The following DST variants were observed in gnomAD, a reference collection of about 807,000 sequenced individuals.
The protein encoded by DST is dystonin, also known as bullous pemphigoid antigen.
Under a neutral mutation model 875.2 loss-of-function variants are expected in DST, and 253 were observed. The observed-to-expected ratio is 0.29, with a 90% CI of 0.26 to 0.32. The LOEUF (loss-of-function observed/expected upper bound fraction) is 0.32. DST is among the 10% of genes least tolerant of loss of function. DST has a pLI of 1.00. For synonymous variants in DST, 3,124 were observed against 3,197.1 expected (o/e 0.98, Z 0.77); for missense variants, 8,287 against 9,111.6 (o/e 0.91, Z 3.68).
chr6:56,825,387 G>A (rs2099779122), intron 4 of DST, among the ~76,000 whole-genome samples: 1 of 149,302 alleles, frequency 6.7e-6, no homozygotes, highest in South Asian at 2.1e-4. Flanking sequence ...CCTCTGCCTA[G>A]GAAAACCAGA....
At chr6:56,757,350 C>T (rs985999814) in intron 4 of DST, among the ~76,000 whole-genome samples, 2 of 152,120 alleles carry the variant, frequency 1.3e-5, no homozygotes, top group African/African-American at 2.4e-5. Flanking sequence ...TGAACACAAA[C>T]GTAAATCACA....
chr6:56,683,374 T>C (rs1286401354), intron 9 of DST, among the ~76,000 whole-genome samples: 2 of 152,202 alleles, frequency 1.3e-5, no homozygotes, highest in African/African-American at 4.8e-5. Context: ...GTACCAAATA[T>C]TATTGTACTC....
chr6:56,661,991 G>A (rs375805046), intron 10 of DST, among the ~76,000 whole-genome samples: 11 of 152,128 alleles, frequency 7.2e-5, no homozygotes, highest in South Asian at 2.1e-4. Context: ...CTAACAGCTT[G>A]CACATCAAAC....
chr6:56,860,658 T>C (rs1478358753), intron 3 of DST, among the ~76,000 whole-genome samples: 1 of 152,190 alleles, frequency 6.6e-6, no homozygotes, highest in Non-Finnish European at 1.5e-5. Context: ...GTAGGAAGCA[T>C]TAGTAAATTT....
intron 2 of DST, among the ~76,000 whole-genome samples, chr6:56,916,823 C>CACACACAGAG (rs555473872): frequency 6.5e-4 from 92 of 140,758 alleles, no homozygotes; most frequent in East Asian, 2.4e-3. Flanking sequence ...CACACACACA[C>CACACACAGAG]AGAGAGACAG....
chr6:56,730,009 A>G (rs77217006), intron 5 of DST, among the ~76,000 whole-genome samples: 2,326 of 152,316 alleles, frequency 0.015, 54 homozygotes, highest in African/African-American at 0.053. Flanking sequence ...CTTCCTCTCC[A>G]AATGCATTTA....
chr6:56,555,765 T>C lies in DST; in HGVS notation c.14716A>G (p.Arg4906Gly), dbSNP rs768364377. ...LTAAGQGILS[R>G]PGEDPSLRGI... ...CGTAAAGAAGGGTCTTCTCCAGGCC[T>C]GCTCAGAATGCCCTGACCAGCTGCT... The change falls in exon 60 of 104, where the codon AGG becomes GGG. Residue 4906 changes from arginine (R) to glycine (G), a missense_variant. Physicochemically the swap from Arg to Gly is moderately radical, Grantham distance 125. This residue lies in a region of DST where 1,513 missense variants were observed against 1,677.8 expected (regional missense o/e 0.90). Coordinates refer to ENST00000680361, the MANE Select transcript of DST (RefSeq NM_001374736.1). 5.7e-6 allele frequency: 9 copies of C among 1,589,554 alleles called. No homozygotes were observed. In the South Asian group the frequency reaches 1.0e-4, roughly 18 times the overall value.
chr6:56,538,496 G>A (rs2097059296), intron 61 of DST, among the ~76,000 whole-genome samples: 2 of 152,060 alleles, frequency 1.3e-5, no homozygotes, highest in South Asian at 4.1e-4. Flanking sequence ...TATTAAAATA[G>A]CACTTCAGGA....
intron 3 of DST, among the ~76,000 whole-genome samples, chr6:56,860,597 G>A (rs1009507846): frequency 2.0e-5 from 3 of 152,242 alleles, no homozygotes; most frequent in South Asian, 2.1e-4. Flanking sequence ...CATCACTACT[G>A]CTAATGACTC....
intron 5 of DST, among the ~76,000 whole-genome samples, chr6:56,717,781 C>T (rs181973699): frequency 2.2e-5 from 3 of 134,798 alleles, no homozygotes; most frequent in Admixed American, 2.1e-4. Flanking sequence ...CTGCAGAAAG[C>T]ACCCATTGTC....
chr6:56,628,292 C>T, intron 32 of DST, 131 bp from the exon 33 acceptor site: 1 of 775,630 alleles, frequency 1.3e-6, no homozygotes, highest in African/African-American at 1.7e-5. Context: ...GTATAAAGAA[C>T]TCAAGGCTGC....
intron 87 of DST, 26 bp downstream of exon 87, chr6:56,487,078 C>A (rs1295710565): frequency 6.2e-6 from 10 of 1,611,754 alleles, no homozygotes; most frequent in Non-Finnish European, 7.6e-6. Flanking sequence ...TACAGAGTAA[C>A]CAAACTGTCT....
At chr6:56,533,666 T>C (rs2096938499) in intron 63 of DST, among the ~76,000 whole-genome samples, 2 of 152,230 alleles carry the variant, frequency 1.3e-5, no homozygotes, top group South Asian at 4.1e-4. Flanking sequence ...TAATAGGTTT[T>C]GTTGGCTAAG....
intron 4 of DST, among the ~76,000 whole-genome samples, chr6:56,846,809 GC>G (rs1266489627): frequency 6.6e-6 from 1 of 151,752 alleles, no homozygotes; most frequent in Non-Finnish European, 1.5e-5. Flanking sequence ...TTCGAAACTA[GC>G]CTGCACAACA....
rs1440816367 is a variant in DST at position 56,635,754 on chromosome 6, T to C, written c.3061-40A>G. On this transcript the variant is annotated intron_variant, in intron 23 of 103. Coordinates refer to ENST00000680361, the MANE Select transcript of DST (RefSeq NM_001374736.1). The stretch of plus-strand genomic sequence containing the variant: ...AACCTGGAAGTTAAAGTATGTTAAA[T>C]ACCAGCAAAGCACACAGTTGTCACA... The C allele has an allele frequency of 1.9e-6, 3 of 1,609,488 alleles. No homozygotes were observed. In the Admixed American group the frequency reaches 5.0e-5, roughly 27 times the overall value.
At chr6:56,877,060 T>C (rs1388107147) in intron 3 of DST, among the ~76,000 whole-genome samples, 1 of 152,230 alleles carries the variant, frequency 6.6e-6, no homozygotes, top group East Asian at 1.9e-4. Context: ...AAAATGTGCC[T>C]ATAAGAAGCA....
At position 56,902,531 on chromosome 6, in the gene DST, G is replaced by A. The variant is rs116089169; in HGVS notation, c.217-1910C>T. Among the ~76,000 whole-genome samples the A allele has an allele frequency of 2.2e-3, 340 of 152,298 alleles. 3 individuals are homozygous for A. Among genetic ancestry groups the A allele is most frequent in the Middle Eastern group, 0.014 (4 of 294 alleles). The stretch of plus-strand genomic sequence containing the variant: ...GAGATAATTTTTAAAAAAGGAGGGG[G>A]TTAACCCCAGAGTCAAAAGTAGCAA... On this transcript the variant is annotated intron_variant, in intron 2 of 103. Transcript: ENST00000680361.
rs151292187 is a variant in DST at position 56,772,537 on chromosome 6, A to G, written c.626-37248T>C. 3.4e-3 allele frequency among the ~76,000 whole-genome samples: 515 copies of G among 152,304 alleles called. 4 individuals are homozygous for G. Among genetic ancestry groups the G allele is most frequent in the African/African-American group, 0.012 (500 of 41,574 alleles). On this transcript the variant is annotated intron_variant, in intron 4 of 103. Coordinates refer to ENST00000680361, the MANE Select transcript of DST (RefSeq NM_001374736.1). ...GGGATCCCAATTTTTAAAACCTATG[A>G]AGTTAAAGGAATGCCCCATATGACC... is the stretch of plus-strand genomic sequence containing the variant.
At chr6:56,711,323 C>T (rs1228217789) in intron 5 of DST, among the ~76,000 whole-genome samples, 5 of 152,032 alleles carry the variant, frequency 3.3e-5, no homozygotes, top group Non-Finnish European at 7.4e-5. Context: ...GTTGCAGTAA[C>T]CTTTTTAAAA....
Sources: allele counts gnomAD v4.1 joint callset (sites outside exome capture counted in the v4.1 genomes callset), GRCh38; gene constraint gnomAD v4.1.1; regional missense constraint gnomAD v4.1.1; transcripts MANE v1.5; gene names NCBI Gene and HGNC (gene_info 2026-07-23, HGNC 2026-07-21).